KCNIP1: variants seen among roughly 807,000 people sequenced by gnomAD.
The protein encoded by KCNIP1 is A-type potassium channel modulatory protein KCNIP1.
Under a neutral mutation model 33.0 loss-of-function variants are expected in KCNIP1, and 18 were observed. That is an observed-to-expected ratio of 0.55 (90% CI 0.38 to 0.81). The LOEUF (loss-of-function observed/expected upper bound fraction) is 0.81. KCNIP1 is among the 30% of genes least tolerant of loss of function. The pLI is 0.00. For synonymous variants in KCNIP1, 93 were observed against 98.3 expected (o/e 0.95, Z 0.32); for missense variants, 238 against 271.6 (o/e 0.88, Z 0.87).
chr5:170,670,563 G>T (rs1008509994), intron 1 of KCNIP1, among the ~76,000 whole-genome samples: 5 of 152,144 alleles, frequency 3.3e-5, no homozygotes, highest in African/African-American at 1.2e-4. Context: ...CCCGAGTAAG[G>T]CTGAGCTTCC....
rs1371106129 is a variant in KCNIP1 at position 170,504,525 on chromosome 5, G to A, written c.-48G>A. On this transcript the variant is annotated 5_prime_UTR_variant, in exon 1 of 8. Transcript: ENST00000328939. The surrounding 1 kb of genome is among the most constrained non-coding windows in gnomAD (Gnocchi z 6.0). ...CACGGGGATTTCTTTCCAGGGTAGG[G>A]GAGGGGCCGGGCCCGGGGTCCCAAC... 1.2e-6 allele frequency: 2 copies of A among 1,610,382 alleles called. No homozygotes were observed. Among genetic ancestry groups the A allele is most frequent in the African/African-American group, 2.7e-5 (2 of 74,938 alleles).
At chr5:170,379,015 C>T (rs1309645932) in intron 1 of KCNIP1, 1 of 1,595,888 alleles carries the variant, frequency 6.3e-7, no homozygotes, top group African/African-American at 1.3e-5. Flanking sequence ...TGGAAATCCC[C>T]ATTTCTTAGC....
At chr5:170,378,946 T>C in intron 1 of KCNIP1, 1 of 1,614,106 alleles carries the variant, frequency 6.2e-7, no homozygotes, top group Non-Finnish European at 8.5e-7. Flanking sequence ...GTCTGGTAAT[T>C]GTCCACGCTG....
chr5:170,366,585 G>A (rs1763666675), intron 1 of KCNIP1, among the ~76,000 whole-genome samples: 1 of 152,246 alleles, frequency 6.6e-6, no homozygotes, highest in Non-Finnish European at 1.5e-5. Context: ...CCTGAAGGTG[G>A]CCAGTATGTG....
intron 1 of KCNIP1, among the ~76,000 whole-genome samples, chr5:170,441,168 C>T (rs532262623): frequency 1.3e-5 from 2 of 152,346 alleles, no homozygotes; most frequent in South Asian, 4.1e-4. Context: ...AGCTGCCCTC[C>T]CAGCCCAGCA....
chr5:170,472,760 C>T (rs1756765780), intron 1 of KCNIP1, among the ~76,000 whole-genome samples: 1 of 152,168 alleles, frequency 6.6e-6, no homozygotes. Flanking sequence ...GCTGATAATT[C>T]ATTCCTTTTT....
chr5:170,667,871 G>A (rs1327731197), intron 1 of KCNIP1, among the ~76,000 whole-genome samples: 2 of 152,182 alleles, frequency 1.3e-5, no homozygotes, highest in African/African-American at 4.8e-5. Context: ...GACTCTTCCG[G>A]TTGCAAGTAC....
intron 1 of KCNIP1, among the ~76,000 whole-genome samples, chr5:170,609,102 A>G (rs1759044838): frequency 6.6e-6 from 1 of 152,164 alleles, no homozygotes; most frequent in Admixed American, 6.5e-5. Flanking sequence ...AAAAGGTGCA[A>G]TTCTCCTGCA....
intron 1 of KCNIP1, among the ~76,000 whole-genome samples, chr5:170,462,275 A>AAC (rs201760894): frequency 0.061 from 8,989 of 148,282 alleles, 489 homozygotes; most frequent in East Asian, 0.25. Context: ...AAAAAAAAAA[A>AAC]AAAAAAAAAA....
intron 7 of KCNIP1, among the ~76,000 whole-genome samples, chr5:170,734,404 C>T (rs1764311879): frequency 6.6e-6 from 1 of 152,140 alleles, no homozygotes; most frequent in Non-Finnish European, 1.5e-5. Flanking sequence ...ATGCTTCTAA[C>T]ACTTTAATGT....
chr5:170,597,820 T>TATATATATATATGAAA (rs1441774904), intron 1 of KCNIP1, among the ~76,000 whole-genome samples: 696 of 55,078 alleles, frequency 0.013, 4 homozygotes, highest in Non-Finnish European at 0.018. Flanking sequence ...TATATATATA[T>TATATATATATATGAAA]ATATATATAT....
intron 1 of KCNIP1, among the ~76,000 whole-genome samples, chr5:170,564,410 G>A (rs1396623656): frequency 6.6e-6 from 1 of 152,102 alleles, no homozygotes; most frequent in Admixed American, 6.5e-5. Flanking sequence ...CCTATGACAC[G>A]TCTTTTGGTT....
At chr5:170,720,788 T>A (rs556621633) in intron 3 of KCNIP1, among the ~76,000 whole-genome samples, 1 of 152,254 alleles carries the variant, frequency 6.6e-6, no homozygotes, top group Non-Finnish European at 1.5e-5. Flanking sequence ...GGCACCACCA[T>A]TGTGCAGGGC....
chr5:170,530,437 T>C (rs1755746879), intron 1 of KCNIP1, among the ~76,000 whole-genome samples: 1 of 152,180 alleles, frequency 6.6e-6, no homozygotes, highest in Admixed American at 6.5e-5. Flanking sequence ...GGAGGTGAAA[T>C]GGCTTTCCCA....
chr5:170,514,215 C>T (rs149693513), intron 1 of KCNIP1, among the ~76,000 whole-genome samples: 1 of 152,322 alleles, frequency 6.6e-6, no homozygotes, highest in African/African-American at 2.4e-5. Flanking sequence ...AACCCTGGAC[C>T]CAGAGTGAGG....
chr5:170,401,870 A>T (rs569272570), intron 1 of KCNIP1, among the ~76,000 whole-genome samples: 19 of 152,284 alleles, frequency 1.2e-4, no homozygotes, highest in Admixed American at 9.8e-4. Context: ...GCTGTGACAC[A>T]AATCACTACA....
At chr5:170,413,859 C>A (rs897410519) in intron 1 of KCNIP1, among the ~76,000 whole-genome samples, 20 of 150,662 alleles carry the variant, frequency 1.3e-4, no homozygotes, top group African/African-American at 4.7e-4. Flanking sequence ...CAAACCACAA[C>A]CATTTATGAA....
chr5:170,422,351 G>A (rs1175284166), intron 1 of KCNIP1: 1 of 152,218 alleles, frequency 6.6e-6, no homozygotes, highest in East Asian at 1.9e-4. Context: ...GTCTCATACT[G>A]AGCAAGAGAC....
intron 1 of KCNIP1, among the ~76,000 whole-genome samples, chr5:170,619,327 G>T (rs765784704): frequency 6.6e-6 from 1 of 152,118 alleles, no homozygotes; most frequent in African/African-American, 2.4e-5. Flanking sequence ...ATGACCTTGG[G>T]CAAGAAGCTT....
Sources: allele counts gnomAD v4.1 joint callset (sites outside exome capture counted in the v4.1 genomes callset), GRCh38; gene constraint gnomAD v4.1.1; non-coding constraint Gnocchi (gnomAD v3.1); transcripts MANE v1.5; gene names NCBI Gene and HGNC (gene_info 2026-07-23, HGNC 2026-07-21).